Variants in FAM240B observed in about 807,000 individuals in gnomAD.
FAM240B encodes family with sequence similarity 240 member B, also known as protein FAM240B.
At chr9:38,706,867 A>G (rs1821197308) in intron 1 of FAM240B, among the ~76,000 whole-genome samples, 1 of 152,226 alleles carries the variant, frequency 6.6e-6, no homozygotes, top group South Asian at 2.1e-4. Context: ...CACTAACAAA[A>G]TACATCTGAT....
At chr9:38,710,959 G>A (rs1273978613) in intron 1 of FAM240B, among the ~76,000 whole-genome samples, 5 of 152,188 alleles carry the variant, frequency 3.3e-5, no homozygotes, top group South Asian at 2.1e-4. Flanking sequence ...TCCCAAGCCC[G>A]TGTCATCACC....
chr9:38,695,050 G>A (rs1821053038), intron 2 of FAM240B, among the ~76,000 whole-genome samples, 181 bp from the exon 3 acceptor site: 1 of 152,188 alleles, frequency 6.6e-6, no homozygotes, highest in Non-Finnish European at 1.5e-5. Context: ...AACATGTGGT[G>A]TTTGGTTTTC....
chr9:38,705,862 TC>T (rs2119005867), intron 1 of FAM240B, among the ~76,000 whole-genome samples: 1 of 152,272 alleles, frequency 6.6e-6, no homozygotes, highest in South Asian at 2.1e-4. Context: ...CCTGGACCCA[TC>T]TTCCAATCAC....
chr9:38,719,440 C>T lies in FAM240B; in HGVS notation c.-4+582G>A, dbSNP rs1821347184. Among the ~76,000 whole-genome samples the T allele has an allele frequency of 3.9e-5, 6 of 152,240 alleles. No individual in the cohort carries two copies. The South Asian group carries it at 1.2e-3, about 32-fold the overall frequency. On this transcript the variant is annotated intron_variant, in intron 1 of 2. Transcript: ENST00000637493. ...AATAAAAATTAAATATCAATTTAAT[C>T]AAATAACATTTATTGAAGCTTGACT... is the stretch of plus-strand genomic sequence containing the variant.
chr9:38,713,679 G>A (rs1821281643), intron 1 of FAM240B, among the ~76,000 whole-genome samples: 1 of 152,066 alleles, frequency 6.6e-6, no homozygotes, highest in African/African-American at 2.4e-5. Context: ...GTGTTCTTGG[G>A]AGGTAGCCAC....
chr9:38,713,934 C>A (rs1587594368), intron 1 of FAM240B, among the ~76,000 whole-genome samples: 1 of 152,272 alleles, frequency 6.6e-6, no homozygotes, highest in East Asian at 1.9e-4. Context: ...TACTTTGTTT[C>A]TCTTCCATTT....
In FAM240B at chr9:38,706,461, C is replaced by T. The variant is rs115208492; in HGVS notation, c.-3-2459G>A. On this transcript the variant is annotated intron_variant, in intron 1 of 2. Transcript: ENST00000637493. ...ACGCTGGGGTGTTTGTGACTTAGAG[C>T]GGTAGAGCTTCTTGAACAGAAGCTC... is the stretch of plus-strand genomic sequence containing the variant. Among the ~76,000 whole-genome samples the T allele has an allele frequency of 2.1e-3, 314 of 152,256 alleles. 5 individuals carry two copies. The highest frequency in any genetic ancestry group is 7.2e-3 in the African/African-American group (299 of 41,530).
At chr9:38,708,822 T>C (rs2119008792) in intron 1 of FAM240B, among the ~76,000 whole-genome samples, 1 of 152,240 alleles carries the variant, frequency 6.6e-6, no homozygotes, top group East Asian at 1.9e-4. Context: ...TTATACGTGA[T>C]ATCAAATGCT....
chr9:38,713,739 AT>A (rs752731828), intron 1 of FAM240B, among the ~76,000 whole-genome samples: 3 of 152,168 alleles, frequency 2.0e-5, no homozygotes, highest in Non-Finnish European at 4.4e-5. Context: ...CTCTCATGTG[AT>A]TTAGAAAAGA....
At chr9:38,705,184 G>A (rs1821174696) in intron 1 of FAM240B, 1 of 152,294 alleles carries the variant, frequency 6.6e-6, no homozygotes, top group African/African-American at 2.4e-5. Context: ...CTGGAGACTG[G>A]AAAGAGACCT....
At chr9:38,716,481 T>TAAAA (rs549504637) in intron 1 of FAM240B, among the ~76,000 whole-genome samples, 1 of 151,588 alleles carries the variant, frequency 6.6e-6, no homozygotes, top group East Asian at 1.9e-4. Context: ...TTAAATAAAA[T>TAAAA]AATTTTTTTA....
Position 38,706,843 on chromosome 9 carries a change from A to G in FAM240B, c.-3-2841T>C, listed in dbSNP as rs571394944. On this transcript the variant is annotated intron_variant, in intron 1 of 2. Coordinates refer to ENST00000637493, the MANE Select transcript of FAM240B (RefSeq NM_001394922.1). ...TCTAATAAATTTCTAGCCACTGGAC[A>G]TTGAAAGAGAAGCCACTAACAAAAT... Among the ~76,000 whole-genome samples the G allele has an allele frequency of 3.3e-5, 5 of 152,364 alleles. No homozygotes were observed. In the South Asian group the frequency reaches 1.0e-3, roughly 32 times the overall value.
intron 1 of FAM240B, among the ~76,000 whole-genome samples, chr9:38,711,888 C>A (rs769808853): frequency 1.4e-4 from 21 of 152,042 alleles, no homozygotes; most frequent in Non-Finnish European, 2.8e-4. Flanking sequence ...GAACTCCTGA[C>A]CTCGTGATCC....
At chr9:38,701,270 C>T (rs1378233817) in intron 2 of FAM240B, among the ~76,000 whole-genome samples, 1 of 152,106 alleles carries the variant, frequency 6.6e-6, no homozygotes, top group East Asian at 1.9e-4. Flanking sequence ...ATTCATTGGT[C>T]TGCAAGTACA....
chr9:38,697,748 G>A (rs1476798572), intron 2 of FAM240B, among the ~76,000 whole-genome samples: 2 of 152,150 alleles, frequency 1.3e-5, no homozygotes, highest in African/African-American at 4.8e-5. Flanking sequence ...CACCTGTTAT[G>A]GTGAAAGTAC....
rs1190036556 is a variant in FAM240B at position 38,720,067 on chromosome 9, G to A, written c.-49C>T. The A allele has an allele frequency of 6.6e-6, 1 of 152,178 alleles. No homozygotes were observed. Among genetic ancestry groups the A allele is most frequent in the Non-Finnish European group, 1.5e-5 (1 of 68,050 alleles). 9.4% of individuals were successfully genotyped at this position (152,178 alleles called of 1,614,324 possible). A position where few individuals can be genotyped will look rare whatever the true frequency, so the allele number is the denominator to read the frequency against. ...TGATACCCGGCTAGGGTGCAAAGGA[G>A]GGCAAGACTCCCGGGCCTGCTCTTG... is the stretch of plus-strand genomic sequence containing the variant. On this transcript the variant is annotated 5_prime_UTR_variant, in exon 1 of 3. Coordinates refer to ENST00000637493, the MANE Select transcript of FAM240B (RefSeq NM_001394922.1).
chr9:38,712,958 G>A (rs1821271558), intron 1 of FAM240B, among the ~76,000 whole-genome samples: 2 of 152,108 alleles, frequency 1.3e-5, no homozygotes, highest in African/African-American at 4.8e-5. Flanking sequence ...GAAAAATAAA[G>A]ACTAGTTAGC....
At chr9:38,705,782 A>C (rs577869180) in intron 1 of FAM240B, among the ~76,000 whole-genome samples, 19 of 152,298 alleles carry the variant, frequency 1.2e-4, no homozygotes, top group Middle Eastern at 3.4e-3. Flanking sequence ...AGGTAAGAAG[A>C]AGCTTGAAAC....
At chr9:38,701,163 G>T (rs1046565018) in intron 2 of FAM240B, among the ~76,000 whole-genome samples, 1 of 152,198 alleles carries the variant, frequency 6.6e-6, no homozygotes, top group African/African-American at 2.4e-5. Context: ...TTACGTGTGT[G>T]TGTGTATGTG....
Sources: gnomAD v4.1 joint callset for allele counts (sites outside exome capture counted in the v4.1 genomes callset) on GRCh38, gnomAD v4.1.1 for gene constraint, MANE v1.5 for transcripts, NCBI Gene and HGNC (gene_info 2026-07-23, HGNC 2026-07-21) for gene names.